The following EFHD1 variants were observed in gnomAD, a reference collection of about 807,000 sequenced individuals.
The protein encoded by EFHD1 is EF-hand domain-containing protein D1.
Under a neutral mutation model 17.2 loss-of-function variants are expected in EFHD1, and 10 were observed. The observed-to-expected ratio is 0.58, with a 90% CI of 0.36 to 0.99. EFHD1 has a LOEUF of 0.99. Ranked by LOEUF, EFHD1 falls within the 50% of genes least tolerant of loss-of-function variation. The pLI, the probability that EFHD1 is intolerant of heterozygous loss-of-function variation, is 0.01. For missense variants in EFHD1, 310 were observed against 327.5 expected (o/e 0.95, Z 0.41); for synonymous variants, 153 against 142.0 (o/e 1.08, Z -0.55).
chr2:232,637,381 T>C (rs1470199582), intron 1 of EFHD1, among the ~76,000 whole-genome samples: 2 of 145,266 alleles, frequency 1.4e-5, no homozygotes, highest in Admixed American at 1.5e-4. Context: ...TCTCACTCCA[T>C]TGCCCAGGCT....
intron 3 of EFHD1, among the ~76,000 whole-genome samples, chr2:232,672,749 G>A (rs936370894): frequency 6.6e-6 from 1 of 152,196 alleles, no homozygotes; most frequent in Non-Finnish European, 1.5e-5. Context: ...GAAGTGCCTG[G>A]CTCACTGTGA....
At chr2:232,651,975 TG>T (rs1375917881) in intron 1 of EFHD1, among the ~76,000 whole-genome samples, 1 of 152,160 alleles carries the variant, frequency 6.6e-6, no homozygotes, top group Non-Finnish European at 1.5e-5. Flanking sequence ...GGGGCAGAGC[TG>T]CGGGTTAGGG....
At chr2:232,631,707 CA>C (rs761585159), upstream of EFHD1, among the ~76,000 whole-genome samples, 14 of 121,508 alleles carry the variant, frequency 1.2e-4, no homozygotes, top group East Asian at 4.4e-4. Context: ...AAAAAAAAAA[CA>C]AAAACAAAAC....
chr2:232,680,832 T>A (rs1000518893), intron 3 of EFHD1, among the ~76,000 whole-genome samples: 1 of 151,702 alleles, frequency 6.6e-6, no homozygotes, highest in Non-Finnish European at 1.5e-5. Flanking sequence ...ATTTTAAAGG[T>A]ACCCCTTTGC....
At chr2:232,670,949 A>G (rs1695056927) in intron 2 of EFHD1, among the ~76,000 whole-genome samples, 1 of 152,326 alleles carries the variant, frequency 6.6e-6, no homozygotes, top group East Asian at 1.9e-4. Flanking sequence ...AATATTATTT[A>G]GTTTTTAAAA....
intron 2 of EFHD1, among the ~76,000 whole-genome samples, chr2:232,671,635 G>C (rs1695069130): frequency 1.3e-5 from 2 of 152,218 alleles, no homozygotes; most frequent in South Asian, 4.1e-4. Context: ...GCTGAGGCAG[G>C]AGAATCGCTT....
chr2:232,653,695 G>C (rs755195674), intron 1 of EFHD1, among the ~76,000 whole-genome samples: 10 of 152,330 alleles, frequency 6.6e-5, no homozygotes, highest in South Asian at 2.1e-4. Context: ...GGGATTGAAG[G>C]GGGTGGTTGG....
chr2:232,615,684 CTTT>C (rs34266488), intron 1 of EFHD1, among the ~76,000 whole-genome samples: 30 of 109,010 alleles, frequency 2.8e-4, no homozygotes, highest in African/African-American at 6.3e-4. Context: ...TTTTCTTTTC[CTTT>C]TTTTTTTTTT....
At chr2:232,677,011 A>G (rs796318992) in intron 3 of EFHD1, among the ~76,000 whole-genome samples, 8 of 130,848 alleles carry the variant, frequency 6.1e-5, no homozygotes, top group African/African-American at 2.6e-4. Flanking sequence ...AAAACAAAAC[A>G]AAACAAAACA....
chr2:232,640,151 T>C (rs1402784642), intron 1 of EFHD1, among the ~76,000 whole-genome samples: 2 of 152,208 alleles, frequency 1.3e-5, no homozygotes, highest in African/African-American at 4.8e-5. Context: ...CCCAGCAAGA[T>C]GAAACCTGAC....
intron 1 of EFHD1, among the ~76,000 whole-genome samples, chr2:232,644,214 C>T (rs1404485771): frequency 1.3e-5 from 2 of 152,184 alleles, no homozygotes; most frequent in African/African-American, 2.4e-5. Context: ...CTCCTGACTG[C>T]TCACTGTCTT....
chr2:232,681,633 G>A lies in EFHD1; in HGVS notation c.634G>A (p.Glu212Lys), dbSNP rs758337335. The A allele has an allele frequency of 3.7e-6, 6 of 1,614,128 alleles. No individual in the cohort carries two copies. The highest frequency in any genetic ancestry group is 5.1e-6 in the Non-Finnish European group (6 of 1,180,048). Residue 212 changes from glutamate (E) to lysine (K), a missense_variant, in exon 4 of 4, where the codon GAG becomes AAG. By Grantham distance (56) the Glu-to-Lys change is moderately conservative (BLOSUM62 1). Coordinates refer to ENST00000264059, the MANE Select transcript of EFHD1 (RefSeq NM_025202.4). ...ASKFEAELKA[E>K]QDERKREEEE... is the part of the protein sequence containing the mutation. ...TAAGTTTGAAGCAGAGTTGAAAGCTGAGCAAGATGAGCGGAAGCGGGAGGA... is the reference window on the plus strand; with the variant it reads ...TAAGTTTGAAGCAGAGTTGAAAGCTAAGCAAGATGAGCGGAAGCGGGAGGA...
At chr2:232,606,125 C>A (rs1693706591) in exon 1 of EFHD1, 1 of 1,549,878 alleles carries the variant, frequency 6.5e-7, no homozygotes, top group Non-Finnish European at 8.7e-7. Context: ...CTGTGAAGGC[C>A]AAGATCTGTA....
intron 1 of EFHD1, among the ~76,000 whole-genome samples, chr2:232,607,797 T>G (rs1009564449): frequency 1.3e-5 from 2 of 151,620 alleles, no homozygotes; most frequent in Non-Finnish European, 2.9e-5. Flanking sequence ...TTTTTTTTTT[T>G]TAATTTAAGG....
intron 3 of EFHD1, among the ~76,000 whole-genome samples, chr2:232,673,149 A>G (rs1366026130): frequency 1.3e-5 from 2 of 152,248 alleles, no homozygotes; most frequent in East Asian, 1.9e-4. Context: ...CGAAGTGGTC[A>G]TAACTGTTGC....
chr2:232,672,572 C>A, intron 3 of EFHD1, 129 bp downstream of exon 3: 2 of 1,318,142 alleles, frequency 1.5e-6, no homozygotes, highest in Non-Finnish European at 2.1e-6. Flanking sequence ...CCTCCCAGTG[C>A]TCTGCCAACC....
rs1165865773 is a variant in EFHD1, at chr2:232,657,894, C to CT, written c.303-4904dup. On this transcript the variant is annotated intron_variant, in intron 1 of 3. Coordinates refer to ENST00000264059, the MANE Select transcript of EFHD1 (RefSeq NM_025202.4). ...TGTTTAGGACCTTGCATTTTTCTTT[C>CT]TTTTCTTTTTTTTTTTTTTTTTTTG... Among the ~76,000 whole-genome samples the CT allele has an allele frequency of 1.4e-3, 161 of 118,692 alleles. 1 individual carries two copies. The highest frequency in any genetic ancestry group is 5.0e-3 in the Middle Eastern group (1 of 202). 77.9% of individuals were successfully genotyped at this position (118,692 alleles called of 152,430 possible).
At chr2:232,642,456 G>T (rs189237210) in intron 1 of EFHD1, among the ~76,000 whole-genome samples, 1 of 151,442 alleles carries the variant, frequency 6.6e-6, no homozygotes, top group African/African-American at 2.4e-5. Flanking sequence ...CGTGGTTGGA[G>T]CAGGAGCTCT....
intron 1 of EFHD1, among the ~76,000 whole-genome samples, chr2:232,622,952 T>G (rs1175029620): frequency 6.6e-6 from 1 of 152,250 alleles, no homozygotes; most frequent in Non-Finnish European, 1.5e-5. Context: ...TTGGATTACA[T>G]TAAATGTTAT....
Sources: allele counts gnomAD v4.1 joint callset (sites outside exome capture counted in the v4.1 genomes callset), GRCh38; gene constraint gnomAD v4.1.1; transcripts MANE v1.5; gene names NCBI Gene and HGNC (gene_info 2026-07-23, HGNC 2026-07-21).